The following UBE2D3 variants were observed in gnomAD, a reference collection of about 807,000 sequenced individuals.
UBE2D3 encodes the protein ubiquitin-conjugating enzyme E2 D3.
Under a neutral mutation model 22.8 loss-of-function variants are expected in UBE2D3, and 2 were observed. The observed-to-expected ratio is 0.09, with a 90% CI of 0.04 to 0.28. The LOEUF (loss-of-function observed/expected upper bound fraction) is 0.28, where lower values mean the gene tolerates loss of function less well. Among genes scored for constraint, UBE2D3 ranks in the 10% least tolerant of loss-of-function variants. The pLI is 1.00. For synonymous variants in UBE2D3, 56 were observed against 60.4 expected, an observed-to-expected ratio of 0.93 and a Z score of 0.34; for missense variants, 27 against 182.5, an observed-to-expected ratio of 0.15 and a Z score of 4.91.
At chr4:102,858,597 TTGA>T (rs1732735918) in intron 1 of UBE2D3, among the ~76,000 whole-genome samples, 1 of 151,948 alleles carries the variant, frequency 6.6e-6, no homozygotes, top group South Asian at 2.1e-4. Flanking sequence ...AAATATTCTA[TTGA>T]TATCCATTAA....
intron 2 of UBE2D3, among the ~76,000 whole-genome samples, chr4:102,818,637 G>A (rs557312033): frequency 6.6e-6 from 1 of 152,288 alleles, no homozygotes; most frequent in Admixed American, 6.5e-5. Context: ...AATAGGGCAG[G>A]ATTTTTTTCA....
chr4:102,819,799 T>C (rs560047046), intron 2 of UBE2D3, among the ~76,000 whole-genome samples: 5 of 152,354 alleles, frequency 3.3e-5, no homozygotes, highest in East Asian at 3.9e-4. Context: ...CGCAGTAGTA[T>C]AGATACATTT....
chr4:102,859,353 G>A (rs1732772833), intron 1 of UBE2D3, among the ~76,000 whole-genome samples: 1 of 151,876 alleles, frequency 6.6e-6, no homozygotes, highest in African/African-American at 2.4e-5. Flanking sequence ...ATTAACTTTT[G>A]AAAATTTGAT....
intron 7 of UBE2D3, chr4:102,799,016 T>C (rs1335665982): frequency 3.2e-6 from 5 of 1,558,422 alleles, no homozygotes; most frequent in African/African-American, 1.4e-5. Context: ...TTATAACATA[T>C]GAAAGTTATA....
chr4:102,820,203 CATATAAAG>C (rs1729377616), intron 2 of UBE2D3, among the ~76,000 whole-genome samples: 1 of 152,106 alleles, frequency 6.6e-6, no homozygotes, highest in Non-Finnish European at 1.5e-5. Flanking sequence ...TGTAACTGTT[CATATAAAG>C]ATCTGGTTTA....
At chr4:102,822,045 T>C (rs1210392642) in intron 2 of UBE2D3, among the ~76,000 whole-genome samples, 3 of 152,242 alleles carry the variant, frequency 2.0e-5, no homozygotes, top group Non-Finnish European at 4.4e-5. Flanking sequence ...CCTCAAAGAT[T>C]GCCTGTCTTG....
rs185416653 is a variant in UBE2D3 at position 102,815,425 on chromosome 4, T to C, written c.25-5570A>G. 1.2e-4 allele frequency among the ~76,000 whole-genome samples: 19 copies of C among 152,280 alleles called. No homozygotes were observed. The East Asian group carries it at 3.1e-3, about 25-fold the overall frequency. ...GTTCTAAACACAATACCCAATAATG[T>C]TGGAATACTTCATTATAAATAAAAC... On this transcript the variant is annotated intron_variant, in intron 2 of 7. Transcript: ENST00000453744.
chr4:102,840,834 A>AT (rs1170776897), intron 1 of UBE2D3, among the ~76,000 whole-genome samples: 1 of 152,056 alleles, frequency 6.6e-6, no homozygotes, highest in Admixed American at 6.6e-5. Context: ...TTATATATCG[A>AT]TTTTTTTAAA....
chr4:102,813,660 A>C (rs535494353), intron 2 of UBE2D3, among the ~76,000 whole-genome samples: 8 of 152,366 alleles, frequency 5.3e-5, no homozygotes, highest in African/African-American at 1.9e-4. Context: ...CAACTTGGTG[A>C]GAGCACTCCT....
chr4:102,860,762 A>G lies in UBE2D3; in HGVS notation c.-129+7953T>C, dbSNP rs753137295. Among the ~76,000 whole-genome samples, 5 of 151,794 alleles carry G rather than the reference A, an allele frequency of 3.3e-5. 1 individual carries two copies. Among genetic ancestry groups the G allele is most frequent in the Non-Finnish European group, 7.4e-5 (5 of 67,884 alleles). ...CCAATCCAGCAGGAGCCAGTTGCTGATATCTGTGTGCTATCTGCTGGGGCC... is the reference window on the plus strand; with the variant it reads ...CCAATCCAGCAGGAGCCAGTTGCTGGTATCTGTGTGCTATCTGCTGGGGCC... On this transcript the variant is annotated intron_variant, in intron 1 of 7. Transcript: ENST00000338145.
At chr4:102,824,718 T>C (rs1730188387) in intron 2 of UBE2D3, among the ~76,000 whole-genome samples, 1 of 152,248 alleles carries the variant, frequency 6.6e-6, no homozygotes. Context: ...CTGTTCCACA[T>C]GCACAAAAAG....
intron 7 of UBE2D3, chr4:102,798,992 A>G: frequency 1.2e-6 from 2 of 1,603,934 alleles, no homozygotes; most frequent in Non-Finnish European, 1.7e-6. Flanking sequence ...TTGAACAAGT[A>G]CACTTAGCAT....
intron 5 of UBE2D3, chr4:102,801,783 A>T: frequency 2.6e-6 from 1 of 386,410 alleles, no homozygotes; most frequent in Non-Finnish European, 4.7e-6. Flanking sequence ...ATATGATGTA[A>T]AGTTCTAAAG....
At chr4:102,828,375 C>T (rs1730899999), upstream of UBE2D3, among the ~76,000 whole-genome samples, 4 of 152,168 alleles carry the variant, frequency 2.6e-5, no homozygotes, top group Middle Eastern at 3.4e-3. Context: ...GAGGAGGCGC[C>T]CCTCGAGATG....
At chr4:102,837,720 G>A (rs961098080) in intron 1 of UBE2D3, among the ~76,000 whole-genome samples, 7 of 152,308 alleles carry the variant, frequency 4.6e-5, no homozygotes, top group African/African-American at 1.7e-4. Context: ...GGGAGGCCAA[G>A]GCGGGCGGAT....
chr4:102,856,899 G>T (rs223350), intron 1 of UBE2D3, among the ~76,000 whole-genome samples: 81,505 of 151,980 alleles, frequency 0.54, 22,304 homozygotes, highest in African/African-American at 0.66. Flanking sequence ...GGGGTATAAG[G>T]TAGGTAGGGG....
intron 2 of UBE2D3, among the ~76,000 whole-genome samples, chr4:102,824,095 T>C (rs573195527): frequency 6.6e-6 from 1 of 152,334 alleles, no homozygotes; most frequent in East Asian, 1.9e-4. Flanking sequence ...GATTTTAACA[T>C]TAACAGCTGA....
At chr4:102,812,478 G>A (rs1728193166) in intron 2 of UBE2D3, 1 of 152,016 alleles carries the variant, frequency 6.6e-6, no homozygotes, top group African/African-American at 2.4e-5. Flanking sequence ...ACAAACTGAG[G>A]GGCCAGAACA....
intron 1 of UBE2D3, among the ~76,000 whole-genome samples, chr4:102,865,738 G>A (rs1389692218): frequency 2.6e-5 from 4 of 152,098 alleles, no homozygotes; most frequent in Non-Finnish European, 5.9e-5. Flanking sequence ...ATATCTTAAC[G>A]ATCATATTTG....
Sources: allele counts gnomAD v4.1 joint callset (sites outside exome capture counted in the v4.1 genomes callset), GRCh38; gene constraint gnomAD v4.1.1; transcripts MANE v1.5; gene names NCBI Gene and HGNC (gene_info 2026-07-23, HGNC 2026-07-21).